ATRNL1: variants seen among roughly 807,000 people sequenced by gnomAD.
ATRNL1 encodes the protein attractin-like protein 1.
In ATRNL1, 95 loss-of-function variants were observed where a neutral mutation model predicts 182.7. That is an observed-to-expected ratio of 0.52 (90% CI 0.44 to 0.62). The LOEUF (loss-of-function observed/expected upper bound fraction) is 0.62, where lower values mean the gene tolerates loss of function less well. Among genes scored for constraint, ATRNL1 ranks in the 20% least tolerant of loss-of-function variants. The pLI is 0.00. For synonymous variants in ATRNL1, 576 were observed against 568.3 expected, an observed-to-expected ratio of 1.01 and a Z score of -0.19; for missense variants, 1,471 against 1,679.5, an observed-to-expected ratio of 0.88 and a Z score of 2.17.
intron 26 of ATRNL1, among the ~76,000 whole-genome samples, chr10:115,717,379 G>C (rs1392222363): frequency 6.6e-6 from 1 of 151,904 alleles, no homozygotes; most frequent in Non-Finnish European, 1.5e-5. Flanking sequence ...TTACAGATGT[G>C]ATTTCAATGT....
intron 14 of ATRNL1, among the ~76,000 whole-genome samples, chr10:115,283,735 A>G (rs1259099132): frequency 6.6e-6 from 1 of 152,236 alleles, no homozygotes; most frequent in Non-Finnish European, 1.5e-5. Flanking sequence ...AGGAATGTAT[A>G]CATTTCAAGG....
chr10:115,111,913 C>T (rs1554868169), intron 1 of ATRNL1, among the ~76,000 whole-genome samples: 1 of 152,104 alleles, frequency 6.6e-6, no homozygotes, highest in Admixed American at 6.5e-5. Flanking sequence ...TAGGCAACTG[C>T]TGATCTGTAT....
intron 19 of ATRNL1, among the ~76,000 whole-genome samples, chr10:115,354,173 GT>G (rs1352101113): frequency 7.5e-5 from 11 of 147,366 alleles, no homozygotes; most frequent in African/African-American, 2.8e-4. Flanking sequence ...TAGTGATAGT[GT>G]GTTTTATACG....
chr10:115,692,636 A>C (rs1193881290), intron 26 of ATRNL1, among the ~76,000 whole-genome samples: 3 of 151,668 alleles, frequency 2.0e-5, no homozygotes, highest in African/African-American at 7.2e-5. Context: ...TAATAAAATA[A>C]TTTTTAAAAA....
chr10:115,355,684 T>G (rs1223407588), intron 19 of ATRNL1, among the ~76,000 whole-genome samples: 2 of 152,252 alleles, frequency 1.3e-5, no homozygotes, highest in Non-Finnish European at 1.5e-5. Context: ...TTTCCTCCAT[T>G]TAGGTCTTAC....
intron 8 of ATRNL1, among the ~76,000 whole-genome samples, chr10:115,213,729 AAAG>A (rs2144393896): frequency 1.3e-5 from 2 of 152,216 alleles, no homozygotes; most frequent in East Asian, 3.9e-4. Context: ...CCTAATTTGT[AAAG>A]AAGAGATAGC....
chr10:115,719,005 A>ATTT (rs1555057038), intron 26 of ATRNL1, among the ~76,000 whole-genome samples: 1 of 152,200 alleles, frequency 6.6e-6, no homozygotes, highest in African/African-American at 2.4e-5. Context: ...AATTCATTCA[A>ATTT]TTAATTATTA....
At chr10:115,403,082 TTTTG>T (rs1272445209) in intron 20 of ATRNL1, among the ~76,000 whole-genome samples, 2 of 152,160 alleles carry the variant, frequency 1.3e-5, no homozygotes, top group African/African-American at 2.4e-5. Flanking sequence ...ATCAAGTCTC[TTTTG>T]TTTGTTTGTT....
At chr10:115,588,276 T>C (rs1215156560) in intron 26 of ATRNL1, among the ~76,000 whole-genome samples, 1 of 152,166 alleles carries the variant, frequency 6.6e-6, no homozygotes, top group African/African-American at 2.4e-5. Flanking sequence ...ATGTATGGAC[T>C]ACATAAATGA....
At chr10:115,596,666 A>G (rs978700515) in intron 26 of ATRNL1, among the ~76,000 whole-genome samples, 20 of 152,192 alleles carry the variant, frequency 1.3e-4, no homozygotes, top group Non-Finnish European at 8.8e-5. Flanking sequence ...TAGAGCTAGG[A>G]CAGTATTGGA....
intron 9 of ATRNL1, among the ~76,000 whole-genome samples, chr10:115,216,380 G>A (rs1554896247): frequency 6.6e-6 from 1 of 152,094 alleles, no homozygotes; most frequent in African/African-American, 2.4e-5. Flanking sequence ...CACCAACAGG[G>A]TATGTGTCCC....
At chr10:115,581,446 T>A (rs1555007365) in intron 26 of ATRNL1, among the ~76,000 whole-genome samples, 1 of 152,040 alleles carries the variant, frequency 6.6e-6, no homozygotes, top group East Asian at 1.9e-4. Flanking sequence ...ATTCCTGCAC[T>A]CTCATTTGAA....
At chr10:115,154,509 T>C (rs1846403790) in intron 5 of ATRNL1, among the ~76,000 whole-genome samples, 2 of 152,108 alleles carry the variant, frequency 1.3e-5, no homozygotes, top group Non-Finnish European at 2.9e-5. Context: ...AGCTTCTTTG[T>C]CTCTTTTGAT....
At chr10:115,787,808 G>C (rs1949432168) in intron 27 of ATRNL1, among the ~76,000 whole-genome samples, 1 of 152,148 alleles carries the variant, frequency 6.6e-6, no homozygotes, top group African/African-American at 2.4e-5. Context: ...ACCTTGAGAT[G>C]GGAGATTACA....
chr10:115,633,276 A>G (rs1327793194), intron 26 of ATRNL1, among the ~76,000 whole-genome samples: 1 of 152,096 alleles, frequency 6.6e-6, no homozygotes, highest in African/African-American at 2.4e-5. Flanking sequence ...ATACATCTCT[A>G]ATGGGATAAC....
At chr10:115,611,592 A>G (rs1857162657) in intron 26 of ATRNL1, among the ~76,000 whole-genome samples, 1 of 152,146 alleles carries the variant, frequency 6.6e-6, no homozygotes, top group Non-Finnish European at 1.5e-5. Flanking sequence ...AATATTTTTT[A>G]TAACTCATTT....
intron 26 of ATRNL1, among the ~76,000 whole-genome samples, chr10:115,632,956 G>T (rs559235821): frequency 6.8e-6 from 1 of 147,256 alleles, no homozygotes; most frequent in Non-Finnish European, 1.5e-5. Flanking sequence ...GCAGTGGTGC[G>T]ATCCTAGCTC....
At chr10:115,864,067 C>T (rs550506246) in intron 28 of ATRNL1, among the ~76,000 whole-genome samples, 147 of 152,030 alleles carry the variant, frequency 9.7e-4, no homozygotes, top group African/African-American at 3.1e-3. Context: ...GAGACCAGCC[C>T]GGTCAATATG....
chr10:115,665,046 C>T (rs541295530), intron 26 of ATRNL1, among the ~76,000 whole-genome samples: 2 of 152,132 alleles, frequency 1.3e-5, no homozygotes, highest in Non-Finnish European at 2.9e-5. Flanking sequence ...CATTTGGCCA[C>T]TGAAACTGAA....
Sources: gnomAD v4.1 joint callset for allele counts (sites outside exome capture counted in the v4.1 genomes callset) on GRCh38, gnomAD v4.1.1 for gene constraint, MANE v1.5 for transcripts, NCBI Gene and HGNC (gene_info 2026-07-23, HGNC 2026-07-21) for gene names.